The following ELOVL7 variants were observed in gnomAD, a reference collection of about 807,000 sequenced individuals.
ELOVL7 encodes ELOVL fatty acid elongase 7, also known as very long chain fatty acid elongase 7.
A neutral mutation model predicts 35.7 loss-of-function variants in ELOVL7; 27 were observed. The ratio of observed to expected loss-of-function variants is 0.76; its 90% confidence interval spans 0.56 to 1.04. The LOEUF (loss-of-function observed/expected upper bound fraction) is 1.04. Among genes scored for constraint, ELOVL7 ranks in the 50% least tolerant of loss-of-function variants. ELOVL7 has a pLI of 0.00. For missense variants in ELOVL7, 327 were observed against 340.8 expected, an observed-to-expected ratio of 0.96 and a Z score of 0.32; for synonymous variants, 113 against 114.6, an observed-to-expected ratio of 0.99 and a Z score of 0.09.
intron 1 of ELOVL7, among the ~76,000 whole-genome samples, chr5:60,825,740 A>G (rs1746132776): frequency 6.6e-6 from 1 of 152,232 alleles, no homozygotes; most frequent in Admixed American, 6.5e-5. Flanking sequence ...AACACAATGG[A>G]ACACCAGTCT....
chr5:60,827,232 G>A lies in ELOVL7; in HGVS notation c.-86+16928C>T, dbSNP rs536546672. The stretch of plus-strand genomic sequence containing the variant: ...AAAAATATCATTACTTAATTTTTAG[G>A]TTACGTAATTTTGATATGAAGGAAA... On this transcript the variant is annotated intron_variant, in intron 1 of 8. Transcript: ENST00000508821. Among the ~76,000 whole-genome samples the A allele has an allele frequency of 2.0e-5, 3 of 152,106 alleles. No homozygotes were observed. In the South Asian group the frequency reaches 6.2e-4, roughly 32 times the overall value.
At chr5:60,789,770 T>C (rs1743813125) in intron 2 of ELOVL7, among the ~76,000 whole-genome samples, 1 of 152,188 alleles carries the variant, frequency 6.6e-6, no homozygotes, top group South Asian at 2.1e-4. Flanking sequence ...TGAAATATTA[T>C]GACATTGTAA....
At chr5:60,823,552 G>C (rs1418362499) in intron 1 of ELOVL7, among the ~76,000 whole-genome samples, 1 of 152,192 alleles carries the variant, frequency 6.6e-6, no homozygotes, top group African/African-American at 2.4e-5. Flanking sequence ...AAAAATTAAA[G>C]AGGATTCACC....
At chr5:60,801,548 A>T (rs1261505134) in intron 1 of ELOVL7, among the ~76,000 whole-genome samples, 1 of 151,884 alleles carries the variant, frequency 6.6e-6, no homozygotes, top group Non-Finnish European at 1.5e-5. Context: ...CAAAAAAATT[A>T]AAAAATTAGC....
At position 60,754,823 on chromosome 5, in the gene ELOVL7, A is replaced by G; in HGVS notation, c.647T>C (p.Val216Ala). The change falls in exon 9 of 9, where the codon GTT becomes GCT. Residue 216 changes from valine to alanine, a missense_variant. Transcript: ENST00000508821. ...CTGGCTTATGTGGATGGCGACAATA[A>G]CAAACTGGACCTAAGAAATGAAAAC... ...YLTSLQLVQF[V>A]IVAIHISQFF... 1 of 1,613,802 alleles carries G rather than the reference A, an allele frequency of 6.2e-7. No homozygotes were observed. Among genetic ancestry groups the G allele is most frequent in the Non-Finnish European group, 8.5e-7 (1 of 1,179,862 alleles).
At chr5:60,842,353 C>A (rs1355892130) in intron 1 of ELOVL7, among the ~76,000 whole-genome samples, 1 of 151,946 alleles carries the variant, frequency 6.6e-6, no homozygotes, top group Non-Finnish European at 1.5e-5. Flanking sequence ...TGGGGAAAAG[C>A]CGGGCAAGTC....
intron 1 of ELOVL7, among the ~76,000 whole-genome samples, chr5:60,806,540 C>A (rs1461679413): frequency 6.6e-6 from 1 of 151,122 alleles, no homozygotes; most frequent in East Asian, 1.9e-4. Flanking sequence ...AAGCAACAGC[C>A]AGAAAGGTGC....
At chr5:60,774,420 C>T (rs1742784770) in intron 3 of ELOVL7, among the ~76,000 whole-genome samples, 2 of 152,058 alleles carry the variant, frequency 1.3e-5, no homozygotes, top group South Asian at 2.1e-4. Flanking sequence ...CCAATAGATG[C>T]AGAAAAAGTT....
intron 1 of ELOVL7, among the ~76,000 whole-genome samples, chr5:60,817,599 G>A (rs868818186): frequency 1.4e-4 from 20 of 145,632 alleles, no homozygotes; most frequent in Middle Eastern, 7.4e-3. Flanking sequence ...ATATATATTA[G>A]TATATATATT....
At chr5:60,801,091 C>G (rs1025855940) in intron 1 of ELOVL7, among the ~76,000 whole-genome samples, 18 of 152,164 alleles carry the variant, frequency 1.2e-4, no homozygotes, top group African/African-American at 4.3e-4. Context: ...CAATGCCTGG[C>G]TAATTTTTTA....
chr5:60,844,269 T>A lies in ELOVL7; in HGVS notation c.-195A>T, dbSNP rs1316398054. 1.3e-5 allele frequency: 2 copies of A among 151,762 alleles called. No individual in the cohort carries two copies. The highest frequency in any genetic ancestry group is 2.9e-5 in the Non-Finnish European group (2 of 67,926). The allele number at this position is 151,762 out of a possible 1,614,324, so 9.4% of individuals were successfully genotyped here. A position where few individuals can be genotyped will look rare whatever the true frequency, so the allele number is the denominator to read the frequency against. ...GGCCCCCGCTGTCCCGGCCGCCGACTGGGTTGGAAAGGGGAGGAGGCCGCC... is the reference window on the plus strand; with the variant it reads ...GGCCCCCGCTGTCCCGGCCGCCGACAGGGTTGGAAAGGGGAGGAGGCCGCC... On this transcript the variant is annotated 5_prime_UTR_variant, in exon 1 of 9. Coordinates refer to ENST00000508821, the MANE Select transcript of ELOVL7 (RefSeq NM_024930.3).
intron 2 of ELOVL7, among the ~76,000 whole-genome samples, chr5:60,793,308 C>T (rs905629520): frequency 2.0e-5 from 3 of 152,062 alleles, no homozygotes; most frequent in African/African-American, 7.2e-5. Context: ...AATACTGCTA[C>T]AGTTTTTTTT....
At chr5:60,761,622 T>G (rs1370740759) in intron 7 of ELOVL7, among the ~76,000 whole-genome samples, 5 of 152,136 alleles carry the variant, frequency 3.3e-5, no homozygotes. Context: ...TGACGGGTAT[T>G]GAAATATACC....
At chr5:60,763,296 G>A (rs555083711) in intron 7 of ELOVL7, among the ~76,000 whole-genome samples, 1 of 152,132 alleles carries the variant, frequency 6.6e-6, no homozygotes, top group African/African-American at 2.4e-5. Flanking sequence ...CCTGACACGG[G>A]CTTATCCATG....
intron 3 of ELOVL7, among the ~76,000 whole-genome samples, chr5:60,779,382 G>A (rs545247451): frequency 6.6e-6 from 1 of 152,188 alleles, no homozygotes; most frequent in Non-Finnish European, 1.5e-5. Context: ...ACTTCGGCCT[G>A]GACATCCAGG....
At position 60,767,817 on chromosome 5, in the gene ELOVL7, A is replaced by G; in HGVS notation, c.336+6T>C. ...GAATTTCAAGTTTTTCCAAAGAGAA[A>G]CTTACCCTCAAAGCTGTGGGTGACC... On this transcript the variant is annotated splice_donor_region_variant and intron_variant, in intron 5 of 8. Coordinates refer to ENST00000508821, the MANE Select transcript of ELOVL7 (RefSeq NM_024930.3). 1 of 1,610,692 alleles carries G rather than the reference A, an allele frequency of 6.2e-7. No homozygotes were observed. Among genetic ancestry groups the G allele is most frequent in the African/African-American group, 1.3e-5 (1 of 74,974 alleles).
intron 8 of ELOVL7, 109 bp from the exon 9 acceptor site, chr5:60,754,942 A>T: frequency 1.2e-6 from 1 of 845,838 alleles, no homozygotes; most frequent in South Asian, 1.8e-5. Flanking sequence ...CTATTGGGCA[A>T]AGAAGTCCAT....
chr5:60,813,203 T>C (rs1265061657), intron 1 of ELOVL7, among the ~76,000 whole-genome samples: 1 of 152,180 alleles, frequency 6.6e-6, no homozygotes, highest in Non-Finnish European at 1.5e-5. Context: ...CTCCAAGCCA[T>C]TAGAATCATC....
rs569485631 is a variant in ELOVL7 at position 60,832,370 on chromosome 5, T to G, written c.-86+11790A>C. Among the ~76,000 whole-genome samples the G allele has an allele frequency of 3.0e-4, 44 of 145,262 alleles. No homozygotes were observed. In the South Asian group the frequency reaches 4.7e-3, roughly 16 times the overall value. Reference sequence around the variant, plus strand: ...AACCTAAGGATTGGGGATTGATAGATTTTTTTTTTTTTTGAGACGGAGTCT... The same window carrying G: ...AACCTAAGGATTGGGGATTGATAGAGTTTTTTTTTTTTTGAGACGGAGTCT... On this transcript the variant is annotated intron_variant, in intron 1 of 8. Coordinates refer to ENST00000508821, the MANE Select transcript of ELOVL7 (RefSeq NM_024930.3).
Sources: gnomAD v4.1 joint callset for allele counts (sites outside exome capture counted in the v4.1 genomes callset) on GRCh38, gnomAD v4.1.1 for gene constraint, MANE v1.5 for transcripts, NCBI Gene and HGNC (gene_info 2026-07-23, HGNC 2026-07-21) for gene names.